SLC9A9: variants seen among roughly 807,000 people sequenced by gnomAD.
The protein encoded by SLC9A9 is solute carrier family 9 member A9.
In SLC9A9, 62 loss-of-function variants were observed where a neutral mutation model predicts 77.8. The ratio of observed to expected loss-of-function variants is 0.80; its 90% CI spans 0.65 to 0.98. The LOEUF (loss-of-function observed/expected upper bound fraction) is 0.98. SLC9A9 is among the 50% of genes least tolerant of loss of function. The pLI is 0.00. For synonymous variants in SLC9A9, 320 were observed against 283.5 expected (o/e 1.13, Z -1.29); for missense variants, 775 against 774.9 (o/e 1.00, Z 0.00).
chr3:143,426,747 G>A (rs568870652), intron 12 of SLC9A9, among the ~76,000 whole-genome samples: 4 of 152,336 alleles, frequency 2.6e-5, no homozygotes, highest in Non-Finnish European at 4.4e-5. Flanking sequence ...TCATAATTAT[G>A]AGAGCTAACA....
intron 14 of SLC9A9, among the ~76,000 whole-genome samples, chr3:143,362,886 T>A (rs1429699587): frequency 2.0e-5 from 3 of 152,234 alleles, no homozygotes; most frequent in Non-Finnish European, 4.4e-5. Flanking sequence ...CAGTGATTGC[T>A]AGATTTTTAA....
At chr3:143,561,198 TA>T (rs759430380) in intron 8 of SLC9A9, among the ~76,000 whole-genome samples, 2 of 152,070 alleles carry the variant, frequency 1.3e-5, no homozygotes, top group African/African-American at 2.4e-5. Flanking sequence ...AATAAGTAAA[TA>T]AATTGAGTTG....
At chr3:143,456,591 G>A (rs1003334241) in intron 12 of SLC9A9, among the ~76,000 whole-genome samples, 3 of 148,512 alleles carry the variant, frequency 2.0e-5, no homozygotes, top group Admixed American at 6.7e-5. Flanking sequence ...TTGAGATAGA[G>A]TCTCACTCTG....
intron 5 of SLC9A9, among the ~76,000 whole-genome samples, chr3:143,657,480 C>A (rs2038910654): frequency 6.6e-6 from 1 of 152,118 alleles, no homozygotes; most frequent in Non-Finnish European, 1.5e-5. Flanking sequence ...GCCCAGGGAC[C>A]CCTGGAGGTT....
At chr3:143,578,554 T>G (rs2037403214) in intron 7 of SLC9A9, 31 bp downstream of exon 7, 1 of 1,613,460 alleles carries the variant, frequency 6.2e-7, no homozygotes, top group South Asian at 1.1e-5. Context: ...TTCTTGACAG[T>G]CCCAGCTTTC....
At chr3:143,373,798 A>C (rs193291103) in intron 13 of SLC9A9, among the ~76,000 whole-genome samples, 3 of 152,066 alleles carry the variant, frequency 2.0e-5, no homozygotes, top group Non-Finnish European at 4.4e-5. Context: ...ATTAAAATAG[A>C]CTAATACCTA....
intron 6 of SLC9A9, among the ~76,000 whole-genome samples, chr3:143,615,170 A>G (rs568724799): frequency 2.8e-4 from 42 of 152,206 alleles, no homozygotes; most frequent in Non-Finnish European, 4.6e-4. Context: ...ATTTAGAATG[A>G]TAATCCCAAG....
chr3:143,848,150 T>C lies in SLC9A9; in HGVS notation c.173A>G (p.Tyr58Cys). Reference protein sequence around the residue: ...FLHETGGAMVYGLIMGLILRY... With the variant: ...FLHETGGAMVCGLIMGLILRY... ...AATCTCACAATTTATGCACTCACCA[T>C]ACACCATTGCTCCTCCAGTTTCATG... The change falls in exon 1 of 16, where the codon TAT becomes TGT. Residue 58 changes from tyrosine to cysteine, a missense_variant and splice_region_variant. By Grantham distance (194) the Tyr-to-Cys change is radical. Coordinates refer to ENST00000316549, the MANE Select transcript of SLC9A9 (RefSeq NM_173653.4). 6.2e-7 allele frequency: 1 copy of C among 1,613,462 alleles called. No homozygotes were observed. The highest frequency in any genetic ancestry group is 8.5e-7 in the Non-Finnish European group (1 of 1,179,414).
intron 10 of SLC9A9, 72 bp from the exon 11 acceptor site, chr3:143,493,836 A>G: frequency 9.1e-7 from 1 of 1,102,732 alleles, no homozygotes; most frequent in East Asian, 2.4e-5. Context: ...GAGCTTAAAT[A>G]TTATGTCCTC....
At chr3:143,276,059 C>T (rs982434559) in intron 14 of SLC9A9, among the ~76,000 whole-genome samples, 8 of 137,408 alleles carry the variant, frequency 5.8e-5, no homozygotes, top group Admixed American at 5.4e-4. Context: ...TCTCTACTGA[C>T]CCTATCCTGC....
chr3:143,813,682 A>C (rs912000010), intron 2 of SLC9A9, among the ~76,000 whole-genome samples: 1 of 152,150 alleles, frequency 6.6e-6, no homozygotes, highest in Non-Finnish European at 1.5e-5. Flanking sequence ...ATTATTTTGC[A>C]TAGTTTTTGC....
At chr3:143,592,671 T>C (rs1489634612) in intron 6 of SLC9A9, among the ~76,000 whole-genome samples, 6 of 152,126 alleles carry the variant, frequency 3.9e-5, no homozygotes, top group African/African-American at 1.4e-4. Flanking sequence ...GAAGCATACA[T>C]TAATTTATGG....
intron 9 of SLC9A9, 67 bp from the exon 10 acceptor site, chr3:143,495,515 T>C: frequency 8.3e-7 from 1 of 1,200,380 alleles, no homozygotes; most frequent in Non-Finnish European, 1.2e-6. Context: ...TACTTTCTGG[T>C]AACTGTATTT....
intron 12 of SLC9A9, among the ~76,000 whole-genome samples, chr3:143,420,119 A>T (rs2034270058): frequency 6.6e-6 from 1 of 152,194 alleles, no homozygotes; most frequent in Admixed American, 6.5e-5. Context: ...AGTGGGCTGA[A>T]CAGAAAGAAG....
At chr3:143,729,078 A>C (rs1387725020) in intron 4 of SLC9A9, among the ~76,000 whole-genome samples, 1 of 152,036 alleles carries the variant, frequency 6.6e-6, no homozygotes, top group African/African-American at 2.4e-5. Flanking sequence ...AGGCAGTTCC[A>C]CCCTCACGCC....
intron 2 of SLC9A9, among the ~76,000 whole-genome samples, chr3:143,821,724 C>A (rs893661282): frequency 2.6e-5 from 4 of 152,148 alleles, no homozygotes; most frequent in African/African-American, 9.7e-5. Flanking sequence ...CTATTATGGC[C>A]CATTTCAAGT....
chr3:143,737,952 C>G (rs1934984751), intron 4 of SLC9A9, among the ~76,000 whole-genome samples: 1 of 152,104 alleles, frequency 6.6e-6, no homozygotes, highest in Non-Finnish European at 1.5e-5. Flanking sequence ...TCATTTAATC[C>G]CTATAAAAAC....
At chr3:143,829,635 T>C (rs2009385839) in intron 2 of SLC9A9, among the ~76,000 whole-genome samples, 1 of 152,176 alleles carries the variant, frequency 6.6e-6, no homozygotes, top group African/African-American at 2.4e-5. Context: ...CCCAAATGAG[T>C]GTTAAATAAA....
chr3:143,756,819 T>C (rs2006942665), intron 4 of SLC9A9, among the ~76,000 whole-genome samples: 1 of 152,150 alleles, frequency 6.6e-6, no homozygotes, highest in African/African-American at 2.4e-5. Flanking sequence ...CATTCTTTGG[T>C]TTATCCAAAG....
Sources: allele counts gnomAD v4.1 joint callset (sites outside exome capture counted in the v4.1 genomes callset), GRCh38; gene constraint gnomAD v4.1.1; transcripts MANE v1.5; gene names NCBI Gene and HGNC (gene_info 2026-07-23, HGNC 2026-07-21).